The following SEMA6D variants were observed in gnomAD, a reference collection of about 807,000 sequenced individuals.
SEMA6D encodes the protein semaphorin-6D.
Under a neutral mutation model 106.6 loss-of-function variants are expected in SEMA6D, and 35 were observed. The observed-to-expected ratio is 0.33, with a 90% CI of 0.25 to 0.44. The LOEUF is 0.44. SEMA6D is among the 20% of genes least tolerant of loss of function. SEMA6D has a pLI of 1.00. For missense variants in SEMA6D, 1,185 were observed against 1,345.9 expected, an observed-to-expected ratio of 0.88 and a Z score of 1.87; for synonymous variants, 499 against 487.7, an observed-to-expected ratio of 1.02 and a Z score of -0.31.
intron 3 of SEMA6D, among the ~76,000 whole-genome samples, chr15:47,551,044 T>G (rs2045670734): frequency 6.6e-6 from 1 of 152,230 alleles, no homozygotes; most frequent in African/African-American, 2.4e-5. Flanking sequence ...TAATGAGAGC[T>G]AGGACAACTC....
intron 1 of SEMA6D, among the ~76,000 whole-genome samples, chr15:47,733,552 T>C (rs2080266794): frequency 6.6e-6 from 1 of 152,250 alleles, no homozygotes. Flanking sequence ...CTTGCTTCGC[T>C]ACTCTCTCTA....
intron 1 of SEMA6D, among the ~76,000 whole-genome samples, chr15:47,751,856 A>C (rs146721353): frequency 3.3e-5 from 5 of 152,350 alleles, no homozygotes; most frequent in African/African-American, 4.8e-5. Flanking sequence ...GGACTGAAAA[A>C]AAAAATCTTC....
At chr15:47,467,619 G>A (rs886681076) in intron 2 of SEMA6D, among the ~76,000 whole-genome samples, 3 of 152,238 alleles carry the variant, frequency 2.0e-5, no homozygotes, top group East Asian at 1.9e-4. Context: ...CTTTGCAAGC[G>A]CTGACTTAGG....
Position 47,771,733 on chromosome 15 carries a change from C to T in SEMA6D, c.3170C>T (p.Ser1057Phe), listed in dbSNP as rs1184451050. The T allele has an allele frequency of 6.2e-7, 1 of 1,613,918 alleles. No individual in the cohort carries two copies. The highest frequency in any genetic ancestry group is 1.3e-5 in the African/African-American group (1 of 74,918). Reference protein sequence around the residue: ...SLKPDVPPKPSFVPQTPSVRP... With the variant: ...SLKPDVPPKPFFVPQTPSVRP... ...AAACCTGACGTGCCACCAAAGCCTT[C>T]CTTTGTTCCTCAAACCCCATCTGTC... Residue 1057 changes from serine (S) to phenylalanine (F), a missense_variant, in exon 19 of 19, where the codon TCC becomes TTC. Around this residue, in one of 3 missense-constraint regions of SEMA6D, gnomAD observed 750 missense variants for 783.5 expected, o/e 0.96. Transcript: ENST00000536845.
chr15:47,388,461 T>G (rs955688037), intron 1 of SEMA6D, among the ~76,000 whole-genome samples: 4 of 152,146 alleles, frequency 2.6e-5, no homozygotes, highest in African/African-American at 4.8e-5. Flanking sequence ...TCCAGCTCCA[T>G]CCTGCCCAGC....
intron 1 of SEMA6D, among the ~76,000 whole-genome samples, chr15:47,334,443 G>A (rs992994605): frequency 4.6e-5 from 7 of 152,292 alleles, no homozygotes; most frequent in African/African-American, 1.7e-4. Context: ...TAAGGACTGA[G>A]CCCTCAACCC....
At chr15:47,495,837 A>G (rs1488039965) in intron 3 of SEMA6D, among the ~76,000 whole-genome samples, 2 of 152,122 alleles carry the variant, frequency 1.3e-5, no homozygotes, top group Non-Finnish European at 2.9e-5. Context: ...CAATTCTCAT[A>G]AATTTCCAGA....
intron 1 of SEMA6D, among the ~76,000 whole-genome samples, chr15:47,727,659 C>T (rs1421174073): frequency 1.3e-5 from 2 of 151,746 alleles, no homozygotes; most frequent in African/African-American, 4.8e-5. Flanking sequence ...GTGGCTTCCC[C>T]CCCAACCCCC....
In SEMA6D at chr15:47,361,150, G is replaced by T. The variant is rs140047864; in HGVS notation, c.-238-51243G>T. ...CTTCTTCCTTTCTTGCATCCTAGGA[G>T]CCCAGAGCCTGTCAGTTCCACACTC... On this transcript the variant is annotated intron_variant, in intron 1 of 19. Transcript: ENST00000558014. 9.3e-3 allele frequency among the ~76,000 whole-genome samples: 1,414 copies of T among 152,280 alleles called. 49 individuals are homozygous for T. Among genetic ancestry groups the T allele is most frequent in the Admixed American group, 0.07 (1,065 of 15,294 alleles).
At chr15:47,333,033 A>G (rs184236485) in intron 1 of SEMA6D, among the ~76,000 whole-genome samples, 49 of 152,322 alleles carry the variant, frequency 3.2e-4, no homozygotes, top group African/African-American at 1.2e-3. Flanking sequence ...ATAATTAGAT[A>G]ATAGTAAGAT....
intron 1 of SEMA6D, among the ~76,000 whole-genome samples, chr15:47,291,665 G>A (rs2035598352): frequency 6.6e-6 from 1 of 152,146 alleles, no homozygotes; most frequent in African/African-American, 2.4e-5. Flanking sequence ...ATGCCACTGT[G>A]TTGTCCCACT....
At position 47,770,694 on chromosome 15, in the gene SEMA6D, A is replaced by G; in HGVS notation, c.2131A>G (p.Ser711Gly). 1 of 1,614,170 alleles carries G rather than the reference A, an allele frequency of 6.2e-7. No individual in the cohort carries two copies. Among genetic ancestry groups the G allele is most frequent in the Non-Finnish European group, 8.5e-7 (1 of 1,179,992 alleles). Residue 711 changes from serine (S) to glycine (G), a missense_variant, in exon 19 of 19, where the codon AGT (serine) becomes GGT (glycine). Coordinates refer to ENST00000536845, the MANE Select transcript of SEMA6D (RefSeq NM_001358351.3). Reference sequence around the variant, plus strand: ...GTCCGCCCAGTCATGCACAGACTCCAGTGGAAGTTTTGCCAAACTGAATGG... The same window carrying G: ...GTCCGCCCAGTCATGCACAGACTCCGGTGGAAGTTTTGCCAAACTGAATGG... ...AESAQSCTDS[S>G]GSFAKLNGLF...
chr15:47,615,619 G>A (rs1246165130), intron 4 of SEMA6D, among the ~76,000 whole-genome samples: 1 of 152,072 alleles, frequency 6.6e-6, no homozygotes, highest in African/African-American at 2.4e-5. Context: ...AACAAATAAG[G>A]AATACCCAAG....
intron 4 of SEMA6D, among the ~76,000 whole-genome samples, chr15:47,627,064 A>C (rs1263338865): frequency 6.6e-6 from 1 of 152,170 alleles, no homozygotes; most frequent in Non-Finnish European, 1.5e-5. Flanking sequence ...CACCAGAGCC[A>C]AGCCTTCCTT....
chr15:47,325,079 G>T (rs913336953), intron 1 of SEMA6D, among the ~76,000 whole-genome samples: 1 of 152,012 alleles, frequency 6.6e-6, no homozygotes, highest in Non-Finnish European at 1.5e-5. Context: ...AGTTGTTTTT[G>T]TATAGAGTAG....
chr15:47,389,927 G>C (rs1241442153), intron 1 of SEMA6D, among the ~76,000 whole-genome samples: 1 of 152,140 alleles, frequency 6.6e-6, no homozygotes, highest in African/African-American at 2.4e-5. Flanking sequence ...CCAGCAGCCA[G>C]AGTGAGCTTC....
At chr15:47,521,916 C>T (rs1413795691) in intron 3 of SEMA6D, among the ~76,000 whole-genome samples, 7 of 150,378 alleles carry the variant, frequency 4.7e-5, no homozygotes, top group Non-Finnish European at 8.8e-5. Flanking sequence ...ACCTGGGAGG[C>T]GGAGCTTGCA....
intron 1 of SEMA6D, among the ~76,000 whole-genome samples, chr15:47,259,652 G>C (rs543710068): frequency 6.6e-6 from 1 of 151,920 alleles, no homozygotes; most frequent in Admixed American, 6.6e-5. Context: ...GATATTTCTT[G>C]GTATGCATTT....
chr15:47,404,241 TG>T (rs2040487792), intron 1 of SEMA6D, among the ~76,000 whole-genome samples: 1 of 152,176 alleles, frequency 6.6e-6, no homozygotes, highest in Non-Finnish European at 1.5e-5. Context: ...CAAAACTCTG[TG>T]GGAACCAAGA....
Sources: allele counts gnomAD v4.1 joint callset (sites outside exome capture counted in the v4.1 genomes callset), GRCh38; gene constraint gnomAD v4.1.1; regional missense constraint gnomAD v4.1.1; transcripts MANE v1.5; gene names NCBI Gene and HGNC (gene_info 2026-07-23, HGNC 2026-07-21).